The following PTPRN2 variants were observed in gnomAD, a reference collection of about 807,000 sequenced individuals.
PTPRN2 encodes the protein receptor-type tyrosine-protein phosphatase N2.
Under a neutral mutation model 118.8 loss-of-function variants are expected in PTPRN2, and 74 were observed. The ratio of observed to expected loss-of-function variants is 0.62; its 90% CI spans 0.52 to 0.76. The LOEUF (loss-of-function observed/expected upper bound fraction) is 0.76. Ranked by LOEUF, PTPRN2 falls within the 30% of genes least tolerant of loss-of-function variation. The probability of loss-of-function intolerance (pLI) is 0.00; values close to 1 mark genes in which losing one functional copy is unlikely to be tolerated. For synonymous variants in PTPRN2, 641 were observed against 608.0 expected, an observed-to-expected ratio of 1.05 and a Z score of -0.80; for missense variants, 1,481 against 1,394.4, an observed-to-expected ratio of 1.06 and a Z score of -0.99.
At chr7:157,895,089 A>G (rs1189578178) in intron 12 of PTPRN2, among the ~76,000 whole-genome samples, 1 of 152,052 alleles carries the variant, frequency 6.6e-6, no homozygotes, top group Non-Finnish European at 1.5e-5. Context: ...GATGAGCAGG[A>G]GCTGTAGAAA....
chr7:158,549,563 G>A (rs762158636), intron 1 of PTPRN2, among the ~76,000 whole-genome samples: 6 of 152,276 alleles, frequency 3.9e-5, no homozygotes, highest in Non-Finnish European at 7.3e-5. Context: ...CAAAAGCAAA[G>A]TCCTGCGGAG....
At chr7:157,546,722 C>G (rs146490929) in intron 22 of PTPRN2, among the ~76,000 whole-genome samples, 2 of 152,178 alleles carry the variant, frequency 1.3e-5, no homozygotes, top group African/African-American at 4.8e-5. Context: ...TGCCATCTTG[C>G]CATTTAAAAA....
chr7:158,123,322 G>A (rs1465796531), intron 9 of PTPRN2, among the ~76,000 whole-genome samples: 2 of 152,206 alleles, frequency 1.3e-5, no homozygotes, highest in Admixed American at 6.5e-5. Flanking sequence ...GGGCTGGGGA[G>A]GTGCCCTGAC....
chr7:157,754,139 G>A (rs1368687753), intron 12 of PTPRN2, among the ~76,000 whole-genome samples: 2 of 152,236 alleles, frequency 1.3e-5, no homozygotes, highest in Non-Finnish European at 2.9e-5. Context: ...TCCACTGTGG[G>A]CTCAGGAAGA....
chr7:157,801,911 G>C lies in PTPRN2; in HGVS notation c.1788+96762C>G, dbSNP rs978867421. 1.3e-5 allele frequency among the ~76,000 whole-genome samples: 2 copies of C among 152,166 alleles called. No homozygotes were observed. On this transcript the variant is annotated intron_variant, in intron 12 of 22. Coordinates refer to ENST00000389418, the MANE Select transcript of PTPRN2 (RefSeq NM_002847.5). This position sits in a 1 kb window ranked among gnomAD's most constrained non-coding sequence, Gnocchi z 4.2. ...TCTCACAGGAGGCCACGGTCCAGAT[G>C]GGTTTCACTGAGCTGAAGTCAGGGC...
chr7:157,541,205 G>A (rs563653794), intron 22 of PTPRN2, among the ~76,000 whole-genome samples: 2 of 152,320 alleles, frequency 1.3e-5, no homozygotes, highest in South Asian at 2.1e-4. Context: ...CTACAAAGAC[G>A]TGGCCATTAA....
Position 158,337,028 on chromosome 7 carries a change from C to A in PTPRN2, c.164-20096G>T, listed in dbSNP as rs199670669. ...ACACTCTCACCATAAGAGCTGTCAC[C>A]CACAGACATCACTCACACCCACACT... On this transcript the variant is annotated intron_variant, in intron 2 of 22. Transcript: ENST00000389418. 4.2e-5 allele frequency among the ~76,000 whole-genome samples: 4 copies of A among 95,212 alleles called. No individual in the cohort carries two copies. In the South Asian group the frequency reaches 1.2e-3, roughly 29 times the overall value. 62.5% of individuals were successfully genotyped at this position (95,212 alleles called of 152,430 possible).
intron 12 of PTPRN2, among the ~76,000 whole-genome samples, chr7:157,888,153 T>C (rs1040982793): frequency 1.3e-5 from 2 of 151,870 alleles, no homozygotes; most frequent in Non-Finnish European, 2.9e-5. Context: ...CCCCAGTCAC[T>C]GCAGCCTGGT....
At chr7:158,123,996 G>T (rs1044428139) in intron 9 of PTPRN2, among the ~76,000 whole-genome samples, 1 of 152,140 alleles carries the variant, frequency 6.6e-6, no homozygotes, top group Non-Finnish European at 1.5e-5. Context: ...ATCCCGTGCC[G>T]ACCCAGGCGG....
intron 1 of PTPRN2, among the ~76,000 whole-genome samples, chr7:158,584,325 C>T: frequency 6.6e-6 from 1 of 152,122 alleles, no homozygotes; most frequent in East Asian, 1.9e-4. Flanking sequence ...TAACAAAGGG[C>T]TTATGTTCAA....
At chr7:157,731,472 C>T (rs1799900473) in intron 12 of PTPRN2, among the ~76,000 whole-genome samples, 1 of 151,706 alleles carries the variant, frequency 6.6e-6, no homozygotes, top group Non-Finnish European at 1.5e-5. Context: ...CCCACGCGCC[C>T]AGCACAGTTA....
At chr7:158,422,083 C>A (rs1297006206) in intron 2 of PTPRN2, among the ~76,000 whole-genome samples, 1 of 152,206 alleles carries the variant, frequency 6.6e-6, no homozygotes, top group African/African-American at 2.4e-5. Flanking sequence ...CCACTTTTCA[C>A]AGAATATCTA....
intron 11 of PTPRN2, among the ~76,000 whole-genome samples, chr7:158,073,988 G>A (rs930456124): frequency 1.3e-5 from 2 of 152,200 alleles, no homozygotes. Context: ...CAGTGGGCTA[G>A]GACGGCTACC....
At chr7:158,422,442 A>G (rs1050844608) in intron 2 of PTPRN2, among the ~76,000 whole-genome samples, 3 of 152,244 alleles carry the variant, frequency 2.0e-5, no homozygotes, top group African/African-American at 7.2e-5. Context: ...GAAAACTCTG[A>G]ATGCTGCCAG....
intron 12 of PTPRN2, among the ~76,000 whole-genome samples, chr7:157,877,070 C>T (rs142257913): frequency 1.7e-3 from 263 of 152,038 alleles, no homozygotes; most frequent in African/African-American, 6.0e-3. Context: ...CCAGGGTTTC[C>T]TCGGGGACCC....
chr7:158,565,066 C>T lies in PTPRN2; in HGVS notation c.112+22492G>A, dbSNP rs1827591449. Among the ~76,000 whole-genome samples, 1 of 152,152 alleles carries T rather than the reference C, an allele frequency of 6.6e-6. No homozygotes were observed. The highest frequency in any genetic ancestry group is 2.4e-5 in the African/African-American group (1 of 41,434). On this transcript the variant is annotated intron_variant, in intron 1 of 22. Coordinates refer to ENST00000389418, the MANE Select transcript of PTPRN2 (RefSeq NM_002847.5). This position sits in a 1 kb window ranked among gnomAD's most constrained non-coding sequence, Gnocchi z 4.6. ...TGCATGGACCCAGGGATGCTGACACCATTCAGAAAATTGTATTGTGGAGGA... is the reference window on the plus strand; with the variant it reads ...TGCATGGACCCAGGGATGCTGACACTATTCAGAAAATTGTATTGTGGAGGA...
intron 12 of PTPRN2, among the ~76,000 whole-genome samples, chr7:157,736,078 C>T (rs1049381702): frequency 3.3e-5 from 5 of 152,172 alleles, no homozygotes; most frequent in African/African-American, 7.2e-5. Flanking sequence ...CCTGCCTGGG[C>T]GAGGCCGGCA....
intron 2 of PTPRN2, among the ~76,000 whole-genome samples, chr7:158,392,151 G>A (rs960836266): frequency 1.3e-5 from 2 of 152,130 alleles, no homozygotes; most frequent in African/African-American, 4.8e-5. Flanking sequence ...GAGGGAATGA[G>A]GGTGGACCTC....
Position 157,794,776 on chromosome 7 carries a change from C to T in PTPRN2, c.1788+103897G>A, listed in dbSNP as rs1025396397. Among the ~76,000 whole-genome samples, 2 of 152,190 alleles carry T rather than the reference C, an allele frequency of 1.3e-5. No individual in the cohort carries two copies. The highest frequency in any genetic ancestry group is 4.8e-5 in the African/African-American group (2 of 41,432). On this transcript the variant is annotated intron_variant, in intron 12 of 22. Transcript: ENST00000389418. The surrounding 1 kb of genome is among the most constrained non-coding windows in gnomAD (Gnocchi z 5.2). ...GACAGCTCACCAGCAGAACAGTGAG[C>T]TACCTTCTCTCCCAGTAACCTTTTC...
Sources: gnomAD v4.1 joint callset for allele counts (sites outside exome capture counted in the v4.1 genomes callset) on GRCh38, gnomAD v4.1.1 for gene constraint, Gnocchi (gnomAD v3.1) non-coding constraint, MANE v1.5 for transcripts, NCBI Gene and HGNC (gene_info 2026-07-23, HGNC 2026-07-21) for gene names.